The following ELK4 variants were observed in gnomAD, a reference collection of about 807,000 sequenced individuals.
The protein encoded by ELK4 is ETS transcription factor ELK4, also known as ETS domain-containing protein Elk-4.
A neutral mutation model predicts 29.6 loss-of-function variants in ELK4; 16 were observed. The observed-to-expected ratio is 0.54, with a 90% confidence interval of 0.37 to 0.82. The LOEUF (loss-of-function observed/expected upper bound fraction) is 0.82, where lower values mean the gene tolerates loss of function less well. Among genes scored for constraint, ELK4 ranks in the 40% least tolerant of loss-of-function variants. The probability of loss-of-function intolerance (pLI) is 0.00; values close to 1 mark genes in which losing one functional copy is unlikely to be tolerated. For missense variants in ELK4, 465 were observed against 507.1 expected (o/e 0.92, Z 0.80); for synonymous variants, 213 against 191.1 (o/e 1.11, Z -0.95).
intron 3 of ELK4, chr1:205,619,671 T>A (rs1670295468): frequency 7.2e-7 from 1 of 1,381,982 alleles, no homozygotes; most frequent in African/African-American, 1.5e-5. Flanking sequence ...ACGAGTTTTA[T>A]AAGACCGAGA....
chr1:205,627,318 T>G (rs1024776503), intron 1 of ELK4, among the ~76,000 whole-genome samples: 2 of 151,908 alleles, frequency 1.3e-5, no homozygotes, highest in Non-Finnish European at 2.9e-5. Flanking sequence ...GACCATCCTG[T>G]CTAACACAGT....
chr1:205,618,837 A>T, intron 4 of ELK4, 120 bp downstream of exon 4: 1 of 743,984 alleles, frequency 1.3e-6, no homozygotes, highest in Non-Finnish European at 2.1e-6. Context: ...AAAATAAAAA[A>T]AGAATATTCA....
intron 3 of ELK4, 93 bp downstream of exon 3, chr1:205,619,873 C>T: frequency 2.5e-6 from 4 of 1,613,570 alleles, no homozygotes; most frequent in Non-Finnish European, 1.7e-6. Flanking sequence ...ACCTAAGTAA[C>T]AGAAAGCAAA....
rs1670143449 is a variant in ELK4, at chr1:205,611,034, A to G, written c.*5512T>C. The G allele has an allele frequency of 4.1e-5, 9 of 220,456 alleles. No individual in the cohort carries two copies. In the East Asian group the frequency reaches 6.0e-4, roughly 15 times the overall value. The allele number at this position is 220,456 out of a possible 1,614,324, so 13.7% of individuals were successfully genotyped here. On this transcript the variant is annotated 3_prime_UTR_variant, in exon 5 of 5. Coordinates refer to ENST00000357992, the MANE Select transcript of ELK4 (RefSeq NM_001973.4). Reference sequence around the variant, plus strand: ...AAAAGTTTCCTTTAAAATTATGTCAACAACAGCATGAATTTCCTGTTTTCT... The same window carrying G: ...AAAAGTTTCCTTTAAAATTATGTCAGCAACAGCATGAATTTCCTGTTTTCT...
At chr1:205,618,016 A>AATGT (rs57087668) in intron 4 of ELK4, among the ~76,000 whole-genome samples, 1 of 150,924 alleles carries the variant, frequency 6.6e-6, no homozygotes, top group Non-Finnish European at 1.5e-5. Context: ...AGAGAGAGAG[A>AATGT]GTGTGTGTGT....
In ELK4 at chr1:205,631,644, C is replaced by T. The variant is rs1670593151; in HGVS notation, c.-22G>A. Reference sequence around the variant, plus strand: ...GCTGACCGCTCACCGACGCCGCGCGCGGGGCTCCCCCTCGGTCTCCGCCTC... The same window carrying T: ...GCTGACCGCTCACCGACGCCGCGCGTGGGGCTCCCCCTCGGTCTCCGCCTC... On this transcript the variant is annotated 5_prime_UTR_variant, in exon 1 of 5. Coordinates refer to ENST00000357992, the MANE Select transcript of ELK4 (RefSeq NM_001973.4). 5 of 327,810 alleles carry T rather than the reference C, an allele frequency of 1.5e-5. No homozygotes were observed. Among genetic ancestry groups the T allele is most frequent in the African/African-American group, 4.5e-5 (2 of 44,672 alleles). The allele number at this position is 327,810 out of a possible 1,614,324, so 20.3% of individuals were successfully genotyped here.
Position 205,611,097 on chromosome 1 carries a change from A to C in ELK4, c.*5449T>G. On this transcript the variant is annotated 3_prime_UTR_variant, in exon 5 of 5. Coordinates refer to ENST00000357992, the MANE Select transcript of ELK4 (RefSeq NM_001973.4). ...GAGCCAGTATTTCCCCTCTCATACA[A>C]ACCACTCTGGATTTTCATATTTCAC... 2 of 214,446 alleles carry C rather than the reference A, an allele frequency of 9.3e-6. No homozygotes were observed. The highest frequency in any genetic ancestry group is 2.2e-5 in the African/African-American group (1 of 44,468). 13.3% of individuals were successfully genotyped at this position (214,446 alleles called of 1,614,324 possible).
At chr1:205,625,785 T>G (rs909915752) in intron 1 of ELK4, 2 of 629,436 alleles carry the variant, frequency 3.2e-6, no homozygotes, top group Non-Finnish European at 5.7e-6. Context: ...TTCAAGCGAT[T>G]CTCCTGTCTC....
chr1:205,617,756 C>A (rs1348559771), intron 4 of ELK4, among the ~76,000 whole-genome samples: 1 of 151,994 alleles, frequency 6.6e-6, no homozygotes, highest in Non-Finnish European at 1.5e-5. Flanking sequence ...ACAAAATTAG[C>A]CTAGCATGGT....
rs986860253 is a variant in ELK4 at position 205,623,823 on chromosome 1, G to T, written c.60C>A (p.Asn20Lys). Residue 20 changes from asparagine (N) to lysine (K), a missense_variant, in exon 2 of 5, where the codon AAC (asparagine) becomes AAA (lysine). Asn to Lys is a moderately conservative substitution (Grantham distance 94). Around this residue, in one of 2 missense-constraint regions of ELK4, gnomAD observed 385 missense variants for 387.5 expected, o/e 0.99. Coordinates refer to ENST00000357992, the MANE Select transcript of ELK4 (RefSeq NM_001973.4). ...FLLQLLQKPQ[N>K]KHMICWTSND... is the part of the protein sequence containing the mutation. ...TAGAGGTCCAACAGATCATGTGCTTGTTCTGAGGCTTCTGCAGGAGCTGAA... is the reference window on the plus strand; with the variant it reads ...TAGAGGTCCAACAGATCATGTGCTTTTTCTGAGGCTTCTGCAGGAGCTGAA... 13 of 1,614,074 alleles carry T rather than the reference G, an allele frequency of 8.1e-6. No homozygotes were observed. Among genetic ancestry groups the T allele is most frequent in the Non-Finnish European group, 1.1e-5 (13 of 1,180,040 alleles).
At position 205,616,577 on chromosome 1, in the gene ELK4, C is replaced by T. The variant is rs930748666; in HGVS notation, c.1265G>A (p.Gly422Asp). Reference protein sequence around the residue: ...LSGLDGPSTPGPFSPDLQKT With the variant: ...LSGLDGPSTPDPFSPDLQKT Reference sequence around the variant, plus strand: ...CTTCTGTAGGTCTGGGGAAAATGGGCCAGGGGTGGAAGGTCCATCCAGCCC... The same window carrying T: ...CTTCTGTAGGTCTGGGGAAAATGGGTCAGGGGTGGAAGGTCCATCCAGCCC... The change falls in exon 5 of 5, where the codon GGC becomes GAC. Residue 422 changes from glycine to aspartate, a missense_variant. By Grantham distance (94) the Gly-to-Asp change is moderately conservative. Coordinates refer to ENST00000357992, the MANE Select transcript of ELK4 (RefSeq NM_001973.4). 6.2e-7 allele frequency: 1 copy of T among 1,613,950 alleles called. No homozygotes were observed. Among genetic ancestry groups the T allele is most frequent in the Non-Finnish European group, 8.5e-7 (1 of 1,180,014 alleles).
In ELK4 at chr1:205,620,098, T is replaced by C; in HGVS notation, c.948A>G (p.Ser316=). The C allele has an allele frequency of 6.2e-7, 1 of 1,614,230 alleles. No homozygotes were observed. The change falls in exon 3 of 5, where the codon TCA becomes TCG. Residue 316 remains serine, a synonymous_variant. Transcript: ENST00000357992. Reference sequence around the variant, plus strand: ...ACCCTTTGGGTTTCTTGGATCTTGATGAATTATTTACTTTGTCCTTTTCTA... The same window carrying C: ...ACCCTTTGGGTTTCTTGGATCTTGACGAATTATTTACTTTGTCCTTTTCTA... The part of the protein sequence containing the change: ...VLLEKDKVNN[S]SRSKKPKGLE...
chr1:205,626,271 A>G, intron 1 of ELK4: 1 of 422,078 alleles, frequency 2.4e-6, no homozygotes, highest in South Asian at 2.2e-5. Flanking sequence ...GCACTTCTTA[A>G]TGTTTGAGGC....
Position 205,611,979 on chromosome 1 carries a change from T to A in ELK4, c.*4567A>T, listed in dbSNP as rs143007327. The A allele has an allele frequency of 3.2e-5, 6 of 186,854 alleles. 1 individual carries two copies. In the East Asian group the frequency reaches 5.2e-4, roughly 16 times the overall value. The allele number at this position is 186,854 out of a possible 1,614,324, so 11.6% of individuals were successfully genotyped here. A position where few individuals can be genotyped will look rare whatever the true frequency, so the allele number is the denominator to read the frequency against. On this transcript the variant is annotated 3_prime_UTR_variant, in exon 5 of 5. Coordinates refer to ENST00000357992, the MANE Select transcript of ELK4 (RefSeq NM_001973.4). ...ATGTAACTTGTTATATATTTTAACA[T>A]AAAGCAACTTGAAATAATTCTAAAT... is the stretch of plus-strand genomic sequence containing the variant.
In ELK4 at chr1:205,623,847, A is replaced by C; in HGVS notation, c.36T>G (p.Leu12=). The part of the protein sequence containing the change: ...DSAITLWQFL[L]QLLQKPQNKH... ...TGTTCTGAGGCTTCTGCAGGAGCTG[A>C]AGAAGGAACTGCCACAGGGTGATAG... The change falls in exon 2 of 5, where the codon CTT becomes CTG. Residue 12 remains leucine, a synonymous_variant. Coordinates refer to ENST00000357992, the MANE Select transcript of ELK4 (RefSeq NM_001973.4). 6.2e-7 allele frequency: 1 copy of C among 1,614,214 alleles called. No individual in the cohort carries two copies. The highest frequency in any genetic ancestry group is 8.5e-7 in the Non-Finnish European group (1 of 1,180,028).
chr1:205,618,209 C>G (rs1288787667), intron 4 of ELK4, among the ~76,000 whole-genome samples: 2 of 151,858 alleles, frequency 1.3e-5, no homozygotes, highest in African/African-American at 4.8e-5. Flanking sequence ...TTTTTTATTT[C>G]TAGTACAGAC....
rs1180288586 is a variant in ELK4, at chr1:205,614,241, G to A, written c.*2305C>T. 5 of 220,340 alleles carry A rather than the reference G, an allele frequency of 2.3e-5. No homozygotes were observed. Among genetic ancestry groups the A allele is most frequent in the Non-Finnish European group, 3.6e-5 (4 of 110,002 alleles). 13.6% of individuals were successfully genotyped at this position (220,340 alleles called of 1,614,324 possible). A position where few individuals can be genotyped will look rare whatever the true frequency, so the allele number is the denominator to read the frequency against. On this transcript the variant is annotated 3_prime_UTR_variant, in exon 5 of 5. Coordinates refer to ENST00000357992, the MANE Select transcript of ELK4 (RefSeq NM_001973.4). ...CTTGGTTCCAAGGTACCTCTGTGCT[G>A]AGACAGTTAATTATTAAAAATACTG...
At position 205,625,663 on chromosome 1, in the gene ELK4, TCTG is replaced by T. The variant is rs1320553248; in HGVS notation, c.-9-1775_-9-1773del. 2,227 of 896,786 alleles carry T rather than the reference TCTG, an allele frequency of 2.5e-3. 2 individuals are homozygous for T. The highest frequency in any genetic ancestry group is 3.3e-3 in the Non-Finnish European group (1,815 of 543,400). 55.6% of individuals were successfully genotyped at this position (896,786 alleles called of 1,614,324 possible). A position where few individuals can be genotyped will look rare whatever the true frequency, so the allele number is the denominator to read the frequency against. ...CCTTCTGATCTCACAGCTGGTCAGT[TCTG>T]CTGCTGCTGCTTCTTTTTTTTTTTT... On this transcript the variant is annotated intron_variant, in intron 1 of 4. Transcript: ENST00000357992.
Position 205,610,062 on chromosome 1 carries a change from G to T in ELK4, c.*6484C>A. ...TGCTAATATTGGTGCCCAAGAAAGT[G>T]CCAAGTGATTAACACCAATATATGG... is the stretch of plus-strand genomic sequence containing the variant. On this transcript the variant is annotated 3_prime_UTR_variant, in exon 5 of 5. Transcript: ENST00000357992. The T allele has an allele frequency of 4.3e-6, 1 of 231,878 alleles. No individual in the cohort carries two copies. Among genetic ancestry groups the T allele is most frequent in the Non-Finnish European group, 8.5e-6 (1 of 117,166 alleles). 14.4% of individuals were successfully genotyped at this position (231,878 alleles called of 1,614,324 possible).
Sources: allele counts gnomAD v4.1 joint callset (sites outside exome capture counted in the v4.1 genomes callset), GRCh38; gene constraint gnomAD v4.1.1; regional missense constraint gnomAD v4.1.1; transcripts MANE v1.5; gene names NCBI Gene and HGNC (gene_info 2026-07-23, HGNC 2026-07-21).